Variants in ZNF185 observed in about 807,000 individuals in gnomAD.
The protein encoded by ZNF185 is zinc finger protein 185 with LIM domain.
A neutral mutation model predicts 58.6 loss-of-function variants in ZNF185; 56 were observed. The observed-to-expected ratio is 0.95, with a 90% CI of 0.77 to 1.19. ZNF185 has a LOEUF of 1.19. Ranked by LOEUF, ZNF185 falls within the 50% of genes most tolerant of loss-of-function variation. The probability of loss-of-function intolerance (pLI) is 0.00; values close to 1 mark genes in which losing one functional copy is unlikely to be tolerated. For missense variants in ZNF185, 627 were observed against 573.5 expected, an observed-to-expected ratio of 1.09 and a Z score of -0.95; for synonymous variants, 230 against 215.9, an observed-to-expected ratio of 1.07 and a Z score of -0.57.
chrX:152,927,584 T>C (rs1941103519), intron 11 of ZNF185, among the ~76,000 whole-genome samples: 1 of 111,546 alleles, frequency 9.0e-6, no homozygotes, highest in South Asian at 3.8e-4. Context: ...AGTCTGTACA[T>C]TCAGGACCCC....
the ZNF185 span, among the ~76,000 whole-genome samples, chrX:152,905,363 G>T: frequency 9.8e-5 from 11 of 111,926 alleles, no homozygotes; most frequent in African/African-American, 3.6e-4. Context: ...TCCCTAGCAA[G>T]CCAGCTCTGA....
At chrX:152,949,520 A>G (rs1193094208) in intron 16 of ZNF185, among the ~76,000 whole-genome samples, 3 of 111,969 alleles carry the variant, frequency 2.7e-5, no homozygotes, top group South Asian at 3.7e-4. Context: ...AGGGTCAACT[A>G]TGTCATGGCA....
intron 12 of ZNF185, 132 bp from the exon 14 acceptor site, chrX:152,931,540 G>A: frequency 1.0e-5 from 5 of 499,845 alleles, no homozygotes; most frequent in Non-Finnish European, 1.6e-5. Flanking sequence ...TTATAGGCGT[G>A]AGCCACTGCA....
At chrX:152,968,456 CACAG>C (rs1402419676) in intron 20 of ZNF185, among the ~76,000 whole-genome samples, 2 of 112,833 alleles carry the variant, frequency 1.8e-5, no homozygotes, top group East Asian at 5.6e-4. Flanking sequence ...CATGCATATG[CACAG>C]ACACACATGC....
At chrX:152,969,120 A>G (rs2050416106) in intron 20 of ZNF185, among the ~76,000 whole-genome samples, 1 of 112,410 alleles carries the variant, frequency 8.9e-6, no homozygotes, top group East Asian at 2.8e-4. Flanking sequence ...AATAAGTATC[A>G]TATCAGGACA....
intron 16 of ZNF185, 112 bp from the exon 19 acceptor site, chrX:152,959,587 G>A: frequency 1.2e-6 from 1 of 863,036 alleles, no homozygotes; most frequent in Non-Finnish European, 1.6e-6. Flanking sequence ...CCCCACTCTT[G>A]GGGAGATGAG....
intron 18 of ZNF185, among the ~76,000 whole-genome samples, chrX:152,964,440 GT>G (rs2049902737): frequency 8.9e-6 from 1 of 112,693 alleles, no homozygotes; most frequent in Non-Finnish European, 1.9e-5. Flanking sequence ...GGAAGCCGAA[GT>G]GGGAGCAGGA....
upstream of ZNF185, among the ~76,000 whole-genome samples, chrX:152,909,479 G>A (rs966521953): frequency 1.8e-5 from 2 of 112,036 alleles, no homozygotes; most frequent in Non-Finnish European, 3.8e-5. Context: ...GCGGGATTGC[G>A]TGGGGTGGGA....
intron 20 of ZNF185, among the ~76,000 whole-genome samples, chrX:152,967,512 T>C (rs1398218922): frequency 1.8e-5 from 2 of 112,294 alleles, no homozygotes; most frequent in Non-Finnish European, 3.8e-5. Flanking sequence ...AGAGGACTCG[T>C]GTCAGCAGGA....
the ZNF185 span, among the ~76,000 whole-genome samples, chrX:152,901,673 AT>A: frequency 9.0e-6 from 1 of 111,390 alleles, no homozygotes; most frequent in Non-Finnish European, 1.9e-5. Context: ...AGTGCCATTG[AT>A]TAGAAACTGA....
At position 152,970,497 on chromosome X, in the gene ZNF185, C is replaced by T. The variant is rs782048779; in HGVS notation, c.2029C>T (p.Arg677Cys). ...TCTCCTGGATCAGATCTTCATTCAC[C>T]GTGACACCATTCACTGTGGGAAATG... The change falls in exon 22 of 23, where the codon CGT becomes TGT. Residue 677 changes from arginine (R) to cysteine (C), a missense_variant. Physicochemically the swap from Arg to Cys is radical, Grantham distance 180. Transcript: ENST00000449285. 36 of 1,207,953 alleles carry T rather than the reference C, an allele frequency of 3.0e-5. No homozygotes were observed. Among genetic ancestry groups the T allele is most frequent in the African/African-American group, 2.3e-4 (13 of 56,659 alleles).
chrX:152,937,976 T>G, intron 14 of ZNF185, 98 bp from the exon 17 acceptor site: 1 of 790,382 alleles, frequency 1.3e-6, no homozygotes, highest in South Asian at 2.5e-5. Flanking sequence ...AAGACACAGT[T>G]CCTCCCTTTC....
rs189569577 is a variant in ZNF185, at chrX:152,944,413, C to T, written c.1212-854C>T. ...GAGTGAGCTAGGATCGAGGTGATGG[C>T]GAAGTAGATTTTCATTCTGAAATGC... On this transcript the variant is annotated intron_variant, in intron 15 of 22. Transcript: ENST00000449285. 5.0e-4 allele frequency among the ~76,000 whole-genome samples: 56 copies of T among 112,083 alleles called. No individual in the cohort carries two copies. The South Asian group carries it at 0.012, about 25-fold the overall frequency.
chrX:152,905,376 A>G, the ZNF185 span, among the ~76,000 whole-genome samples: 5 of 111,473 alleles, frequency 4.5e-5, no homozygotes, highest in Non-Finnish European at 9.4e-5. Context: ...AGCTCTGACT[A>G]TCTCAGTGTC....
At position 152,920,699 on chromosome X, in the gene ZNF185, C is replaced by T; in HGVS notation, c.615-8C>T. ...GCCCAAAGCATTGCCTTTCTGCTTC[C>T]TTTCCAGCAGTCCTACCCAGGAGAC... On this transcript the variant is annotated splice_region_variant and splice_polypyrimidine_tract_variant and intron_variant, in intron 8 of 22. Transcript: ENST00000449285. 8.2e-7 allele frequency: 1 copy of T among 1,212,150 alleles called. No homozygotes were observed. The highest frequency in any genetic ancestry group is 1.1e-6 in the Non-Finnish European group (1 of 895,508).
chrX:152,942,117 T>G (rs1321474665), intron 15 of ZNF185, among the ~76,000 whole-genome samples: 2 of 112,356 alleles, frequency 1.8e-5, no homozygotes, highest in Non-Finnish European at 3.8e-5. Context: ...AGGAGGGGCT[T>G]CGTTCCCTAG....
chrX:152,970,593 A>G (rs1440840314), intron 22 of ZNF185, 52 bp downstream of exon 24: 19 of 1,070,070 alleles, frequency 1.8e-5, no homozygotes, highest in Non-Finnish European at 2.5e-5. Context: ...ATTAAGGAGT[A>G]GAGATGCACC....
intron 15 of ZNF185, among the ~76,000 whole-genome samples, chrX:152,939,400 T>C (rs959838982): frequency 4.5e-5 from 5 of 111,902 alleles, no homozygotes; most frequent in Non-Finnish European, 9.4e-5. Context: ...AACTGAAGCA[T>C]AGAAAGATTA....
intron 15 of ZNF185, among the ~76,000 whole-genome samples, chrX:152,939,526 C>T (rs2046901668): frequency 8.9e-6 from 1 of 112,015 alleles, no homozygotes; most frequent in South Asian, 3.7e-4. Context: ...TCTTTGGAGC[C>T]TAGTCTCAAG....
Sources: gnomAD v4.1 joint callset for allele counts (sites outside exome capture counted in the v4.1 genomes callset) on GRCh38, gnomAD v4.1.1 for gene constraint, MANE v1.5 for transcripts, NCBI Gene and HGNC (gene_info 2026-07-23, HGNC 2026-07-21) for gene names.